CCDC15: variants seen among roughly 807,000 people sequenced by gnomAD.
CCDC15 encodes the protein coiled-coil domain-containing protein 15.
CCDC15 carries 105 observed loss-of-function variants against 114.5 expected under a neutral mutation model. The ratio of observed to expected loss-of-function variants is 0.92; its 90% CI spans 0.78 to 1.08. CCDC15 has a LOEUF of 1.08. Among genes scored for constraint, CCDC15 ranks in the 50% least tolerant of loss-of-function variants. The probability of loss-of-function intolerance (pLI) is 0.00; values close to 1 mark genes in which losing one functional copy is unlikely to be tolerated. For missense variants in CCDC15, 1,105 were observed against 1,093.6 expected, an observed-to-expected ratio of 1.01 and a Z score of -0.15; for synonymous variants, 334 against 377.8, an observed-to-expected ratio of 0.88 and a Z score of 1.34.
chr11:125,000,215 A>G (rs1948454970), intron 11 of CCDC15, among the ~76,000 whole-genome samples: 1 of 152,068 alleles, frequency 6.6e-6, no homozygotes, highest in South Asian at 2.1e-4. Flanking sequence ...AATCCTCTAA[A>G]GAATATTGTA....
Position 125,038,971 on chromosome 11 carries a change from A to C in CCDC15, c.2636A>C (p.Asn879Thr). The change falls in exon 15 of 16, where the codon AAT becomes ACT. Residue 879 changes from asparagine to threonine, a missense_variant. Physicochemically the swap from Asn to Thr is moderately conservative, Grantham distance 65. Transcript: ENST00000344762. ...AQIQEKMQLY[N>T]ITLPPLCCCG... ...ATCCAGGAGAAAATGCAGCTGTATA[A>C]TATTACTTTACCTCCACTATGCTGT... 1 of 1,613,482 alleles carries C rather than the reference A, an allele frequency of 6.2e-7. No homozygotes were observed. The highest frequency in any genetic ancestry group is 8.5e-7 in the Non-Finnish European group (1 of 1,179,552).
intron 13 of CCDC15, among the ~76,000 whole-genome samples, chr11:125,013,764 G>A (rs1948611689): frequency 6.6e-6 from 1 of 152,098 alleles, no homozygotes; most frequent in Admixed American, 6.5e-5. Flanking sequence ...TATTAAGGGA[G>A]GTCTGATTTA....
chr11:125,028,009 T>G (rs772895408), intron 13 of CCDC15, among the ~76,000 whole-genome samples: 10 of 152,194 alleles, frequency 6.6e-5, no homozygotes, highest in Non-Finnish European at 1.2e-4. Context: ...CCCTACCTTA[T>G]GATTTTGTAT....
Position 125,038,986 on chromosome 11 carries a change from C to T in CCDC15, c.2651C>T (p.Pro884Leu). ...CAGCTGTATAATATTACTTTACCTCCACTATGCTGTTGTGGTCCTGATTTT... is the reference window on the plus strand; with the variant it reads ...CAGCTGTATAATATTACTTTACCTCTACTATGCTGTTGTGGTCCTGATTTT... ...KMQLYNITLP[P>L]LCCCGPDFWD... is the part of the protein sequence containing the mutation. The change falls in exon 15 of 16, where the codon CCA becomes CTA. Residue 884 changes from proline (P) to leucine (L), a missense_variant. Coordinates refer to ENST00000344762, the MANE Select transcript of CCDC15 (RefSeq NM_025004.3). The T allele has an allele frequency of 6.2e-7, 1 of 1,613,178 alleles. No homozygotes were observed. The highest frequency in any genetic ancestry group is 8.5e-7 in the Non-Finnish European group (1 of 1,179,360).
At chr11:124,983,735 A>G (rs1488255345) in intron 6 of CCDC15, among the ~76,000 whole-genome samples, 1 of 152,124 alleles carries the variant, frequency 6.6e-6, no homozygotes, top group African/African-American at 2.4e-5. Flanking sequence ...GGTGGTGGCA[A>G]TGGGATTCAT....
rs547853598 is a variant in CCDC15 at position 125,001,174 on chromosome 11, T to C, written c.2215-2693T>C. On this transcript the variant is annotated intron_variant, in intron 11 of 15. Coordinates refer to ENST00000344762, the MANE Select transcript of CCDC15 (RefSeq NM_025004.3). ...AAAAATGCAAAAACTTGGCACCAAA[T>C]AGACTGCAAAAAGAACACTTGTTTA... Among the ~76,000 whole-genome samples the C allele has an allele frequency of 6.2e-4, 95 of 152,224 alleles. No individual in the cohort carries two copies. The South Asian group carries it at 0.019, about 30-fold the overall frequency.
chr11:124,987,842 T>G lies in CCDC15; in HGVS notation c.1616T>G (p.Phe539Cys). The G allele has an allele frequency of 6.2e-7, 1 of 1,606,210 alleles. No individual in the cohort carries two copies. Among genetic ancestry groups the G allele is most frequent in the Non-Finnish European group, 8.5e-7 (1 of 1,174,200 alleles). ...GATTTTCTACCTAAAGACCAGGACT[T>G]TTTATCTAGAGACCAGCATGTTCTC... ...GQDFLPKDQD[F>C]LSRDQHVLPK... The change falls in exon 8 of 16, where the codon TTT becomes TGT. Residue 539 changes from phenylalanine (F) to cysteine (C), a missense_variant. Phe to Cys is a radical substitution (Grantham distance 205, BLOSUM62 -2). Coordinates refer to ENST00000344762, the MANE Select transcript of CCDC15 (RefSeq NM_025004.3).
chr11:125,031,396 C>T (rs1380774682), intron 13 of CCDC15, among the ~76,000 whole-genome samples: 1 of 152,220 alleles, frequency 6.6e-6, no homozygotes, highest in Non-Finnish European at 1.5e-5. Flanking sequence ...CACTTCCTCA[C>T]ATAACTTACT....
chr11:125,025,045 A>AATATATATGAAT (rs56147488), intron 13 of CCDC15, among the ~76,000 whole-genome samples: 44,656 of 102,954 alleles, frequency 0.43, 11,908 homozygotes, highest in East Asian at 0.82. Flanking sequence ...AATACATATG[A>AATATATATGAAT]ATATATATGA....
chr11:125,004,037 G>C, intron 12 of CCDC15, 78 bp downstream of exon 12: 3 of 746,390 alleles, frequency 4.0e-6, no homozygotes, highest in Non-Finnish European at 6.1e-6. Context: ...GAAACAATTT[G>C]TTGTGTCCTA....
intron 13 of CCDC15, among the ~76,000 whole-genome samples, chr11:125,005,747 G>A (rs1948547119): frequency 6.6e-6 from 1 of 152,052 alleles, no homozygotes; most frequent in Non-Finnish European, 1.5e-5. Flanking sequence ...GGTAACCACT[G>A]AACTCTCTAC....
intron 13 of CCDC15, among the ~76,000 whole-genome samples, chr11:125,019,366 G>C (rs1208802433): frequency 6.6e-6 from 1 of 151,918 alleles, no homozygotes; most frequent in African/African-American, 2.4e-5. Flanking sequence ...GAGACACTAA[G>C]TTATTTACTT....
chr11:125,037,449 G>T (rs534970978), intron 13 of CCDC15: 1 of 152,328 alleles, frequency 6.6e-6, no homozygotes, highest in African/African-American at 2.4e-5. Flanking sequence ...TCAGTGCTCT[G>T]CTGTGTACCA....
chr11:125,040,703 A>G lies in CCDC15; in HGVS notation c.2848A>G (p.Asn950Asp). ...TTCTGCACACAGGCGGACTTTGAAAAATCTATAATAAGAATCTGAAATTAA... is the reference window on the plus strand; with the variant it reads ...TTCTGCACACAGGCGGACTTTGAAAGATCTATAATAAGAATCTGAAATTAA... ...FASAHRRTLK[N>D]L The change falls in exon 16 of 16, where the codon AAT (asparagine) becomes GAT (aspartate). Residue 950 changes from asparagine to aspartate, a missense_variant. Coordinates refer to ENST00000344762, the MANE Select transcript of CCDC15 (RefSeq NM_025004.3). The G allele has an allele frequency of 1.2e-6, 2 of 1,611,532 alleles. No individual in the cohort carries two copies. The highest frequency in any genetic ancestry group is 1.1e-5 in the South Asian group (1 of 90,486).
intron 13 of CCDC15, among the ~76,000 whole-genome samples, chr11:125,007,936 T>C (rs1428677451): frequency 2.0e-5 from 3 of 152,220 alleles, no homozygotes; most frequent in African/African-American, 7.2e-5. Context: ...GGGTGTGGCA[T>C]GTAGCTTTAT....
At chr11:124,979,964 G>C (rs897676677) in intron 6 of CCDC15, among the ~76,000 whole-genome samples, 17 of 152,034 alleles carry the variant, frequency 1.1e-4, no homozygotes, top group African/African-American at 4.1e-4. Context: ...TGCCTCGTTT[G>C]TTGAGGGTTT....
At chr11:124,962,917 G>C (rs1277477612) in intron 4 of CCDC15, among the ~76,000 whole-genome samples, 1 of 152,152 alleles carries the variant, frequency 6.6e-6, no homozygotes, top group African/African-American at 2.4e-5. Context: ...TTCTGTCCTT[G>C]AGATAGTTTG....
chr11:124,997,942 C>CATAA (rs1034743500), intron 11 of CCDC15, among the ~76,000 whole-genome samples: 3 of 151,948 alleles, frequency 2.0e-5, no homozygotes, highest in Non-Finnish European at 2.9e-5. Flanking sequence ...AACTCTGTCT[C>CATAA]ATAAATAAAT....
At chr11:124,981,750 G>A (rs772742602) in intron 6 of CCDC15, among the ~76,000 whole-genome samples, 1 of 152,196 alleles carries the variant, frequency 6.6e-6, no homozygotes, top group Admixed American at 6.5e-5. Flanking sequence ...CACCTGAGTA[G>A]CTGGGACTAC....
Sources: gnomAD v4.1 joint callset for allele counts (sites outside exome capture counted in the v4.1 genomes callset) on GRCh38, gnomAD v4.1.1 for gene constraint, MANE v1.5 for transcripts, NCBI Gene and HGNC (gene_info 2026-07-23, HGNC 2026-07-21) for gene names.